The following NR4A3 variants were observed in gnomAD, a reference collection of about 807,000 sequenced individuals.
The protein encoded by NR4A3 is chondrosarcoma, extraskeletal myxoid, fused to EWS.
In NR4A3, 13 loss-of-function variants were observed where a neutral mutation model predicts 55.6. The ratio of observed to expected loss-of-function variants is 0.23; its 90% CI spans 0.15 to 0.37. NR4A3 has a LOEUF of 0.37. Ranked by LOEUF, NR4A3 falls within the 10% of genes least tolerant of loss-of-function variation. The pLI, the probability that NR4A3 is intolerant of heterozygous loss-of-function variation, is 1.00. For missense variants in NR4A3, 646 were observed against 822.8 expected (o/e 0.79, Z 2.63); for synonymous variants, 342 against 357.9 (o/e 0.96, Z 0.50).
chr9:99,839,810 C>T (rs1386045380), intron 5 of NR4A3, among the ~76,000 whole-genome samples: 3 of 152,160 alleles, frequency 2.0e-5, no homozygotes, highest in Non-Finnish European at 2.9e-5. Flanking sequence ...GACCTATGTT[C>T]GATTGGCATG....
In NR4A3 at chr9:99,864,655, C is replaced by T. The variant is rs1828063269; in HGVS notation, c.*788C>T. ...GCCCATCCAAGACTTTTAGGCCATT[C>T]TTGATGGAACCAGATCCCTGCCCTG... is the stretch of plus-strand genomic sequence containing the variant. On this transcript the variant is annotated 3_prime_UTR_variant, in exon 8 of 8. Transcript: ENST00000395097. 4.4e-6 allele frequency: 1 copy of T among 228,254 alleles called. No homozygotes were observed. 14.1% of individuals were successfully genotyped at this position (228,254 alleles called of 1,614,324 possible).
At chr9:99,858,650 C>T (rs1477587448) in intron 7 of NR4A3, among the ~76,000 whole-genome samples, 6 of 152,120 alleles carry the variant, frequency 3.9e-5, no homozygotes, top group Non-Finnish European at 7.4e-5. Flanking sequence ...TTAGAGATGT[C>T]CAGAGATGGA....
At chr9:99,838,118 T>C (rs1037390012) in intron 5 of NR4A3, among the ~76,000 whole-genome samples, 1 of 152,236 alleles carries the variant, frequency 6.6e-6, no homozygotes, top group African/African-American at 2.4e-5. Context: ...AATGTTTCTG[T>C]TCTCTGCACC....
In NR4A3 at chr9:99,849,403, A is replaced by T. The variant is rs371029798; in HGVS notation, c.1633+1788A>T. Among the ~76,000 whole-genome samples the T allele has an allele frequency of 5.3e-4, 80 of 152,212 alleles. No homozygotes were observed. The South Asian group carries it at 0.015, about 28-fold the overall frequency. ...TGCTAGACTTCCAAGAGAGCCATTAACGAAACAAAAACCAAGGCAGTCTCA... is the reference window on the plus strand; with the variant it reads ...TGCTAGACTTCCAAGAGAGCCATTATCGAAACAAAAACCAAGGCAGTCTCA... On this transcript the variant is annotated intron_variant, in intron 7 of 7. Transcript: ENST00000395097.
At chr9:99,847,302 C>T in intron 6 of NR4A3, 135 bp from the exon 7 acceptor site, 2 of 739,076 alleles carry the variant, frequency 2.7e-6, no homozygotes, top group Admixed American at 4.7e-5. Context: ...TTGTGGGTAT[C>T]TGGCATGCTT....
Position 99,862,582 on chromosome 9 carries a change from AAG to A in NR4A3, c.1634-1030_1634-1029del, listed in dbSNP as rs1564041245. Among the ~76,000 whole-genome samples, 130 of 116,178 alleles carry A rather than the reference AAG, an allele frequency of 1.1e-3. 7 individuals are homozygous for A. The highest frequency in any genetic ancestry group is 4.8e-3 in the African/African-American group (116 of 23,990). The allele number at this position is 116,178 out of a possible 152,430, so 76.2% of individuals were successfully genotyped here. On this transcript the variant is annotated intron_variant, in intron 7 of 7. Transcript: ENST00000395097. ...AAAAAAAAAAAAAAAAAAAAAAAAA[AAG>A]AGAGAGAAATGAGGCTCTGAAGTCT...
rs1394158755 is a variant in NR4A3 at position 99,865,395 on chromosome 9, GC to G, written c.*1530del. ...TTGTACAATAAATGTCACTTCCCAT[GC>G]CGTTATTTTATGGTTCATTTGCAGT... On this transcript the variant is annotated 3_prime_UTR_variant, in exon 8 of 8. Transcript: ENST00000395097. The surrounding 1 kb of genome is among the most constrained non-coding windows in gnomAD (Gnocchi z 4.3). 5.6e-6 allele frequency: 1 copy of G among 179,408 alleles called. No homozygotes were observed. Among genetic ancestry groups the G allele is most frequent in the Non-Finnish European group, 1.2e-5 (1 of 83,744 alleles). The allele number at this position is 179,408 out of a possible 1,614,324, so 11.1% of individuals were successfully genotyped here.
At chr9:99,834,796 A>G (rs1157733565) in intron 5 of NR4A3, 1 of 985,310 alleles carries the variant, frequency 1.0e-6, no homozygotes, top group Non-Finnish European at 1.2e-6. Flanking sequence ...TGCACCTGAT[A>G]ACAAAACGTC....
At chr9:99,833,217 TGCGA>T in intron 4 of NR4A3, 61 bp from the exon 5 acceptor site, 1 of 1,522,926 alleles carries the variant, frequency 6.6e-7, no homozygotes, top group Non-Finnish European at 8.8e-7. Context: ...TATTCCTTTT[TGCGA>T]TTTATGGTCG....
chr9:99,828,617 A>C lies in NR4A3; in HGVS notation c.575A>C (p.His192Pro). ...TVAGARFPLFHFKPSPPHPPA... is the reference protein window; with the variant it reads ...TVAGARFPLFPFKPSPPHPPA... ...GCCGGCGCGCGCTTCCCGCTCTTCC[A>C]CTTCAAGCCCTCGCCGCCGCATCCC... Residue 192 changes from histidine (H) to proline (P), a missense_variant, in exon 3 of 8, where the codon CAC (histidine) becomes CCC (proline). By Grantham distance (77) the His-to-Pro change is moderately conservative. Around this residue, in one of 5 missense-constraint regions of NR4A3, gnomAD observed 426 missense variants for 429.4 expected, o/e 0.99. Transcript: ENST00000395097. The surrounding 1 kb of genome is among the most constrained non-coding windows in gnomAD (Gnocchi z 7.7). 1 of 1,502,064 alleles carries C rather than the reference A, an allele frequency of 6.7e-7. No individual in the cohort carries two copies. The highest frequency in any genetic ancestry group is 8.8e-7 in the Non-Finnish European group (1 of 1,136,336). 93.0% of individuals were successfully genotyped at this position (1,502,064 alleles called of 1,614,324 possible).
chr9:99,865,107 GT>G lies in NR4A3; in HGVS notation c.*1242del, dbSNP rs1828073564. 2 of 196,230 alleles carry G rather than the reference GT, an allele frequency of 1.0e-5. No homozygotes were observed. The highest frequency in any genetic ancestry group is 1.1e-5 in the Non-Finnish European group (1 of 94,242). The allele number at this position is 196,230 out of a possible 1,614,324, so 12.2% of individuals were successfully genotyped here. ...GTACTCCCTTTTGTATGTTTCTACT[GT>G]TAATGCCATATTACTATGAGATAAT... On this transcript the variant is annotated 3_prime_UTR_variant, in exon 8 of 8. Transcript: ENST00000395097. This position sits in a 1 kb window ranked among gnomAD's most constrained non-coding sequence, Gnocchi z 4.3.
chr9:99,857,755 C>CAAATAAATAAATAAATAAAT (rs71370972), intron 7 of NR4A3, among the ~76,000 whole-genome samples: 1 of 141,306 alleles, frequency 7.1e-6, no homozygotes, highest in East Asian at 2.1e-4. Context: ...CTCTGTCTCA[C>CAAATAAATAAATAAATAAAT]AAATAAATAA....
rs778449193 is a variant in NR4A3 at position 99,833,439 on chromosome 9, T to C, written c.1239T>C (p.Asp413=). The change falls in exon 5 of 8, where the codon GAT becomes GAC. Residue 413 remains aspartate (D), a synonymous_variant. Transcript: ENST00000395097. ...CTTTAACAGACTCAACACCCAGAGATCTTGATTATTCCAGAGTAAGTTTTA... is the reference window on the plus strand; with the variant it reads ...CTTTAACAGACTCAACACCCAGAGACCTTGATTATTCCAGAGTAAGTTTTA... The part of the protein sequence containing the change: ...VRALTDSTPR[D]LDYSRYCPTD... The C allele has an allele frequency of 2.3e-5, 37 of 1,613,970 alleles. No homozygotes were observed. The highest frequency in any genetic ancestry group is 6.7e-5 in the Admixed American group (4 of 60,002).
chr9:99,862,182 AT>A (rs1473618190), intron 7 of NR4A3, among the ~76,000 whole-genome samples: 1 of 152,096 alleles, frequency 6.6e-6, no homozygotes, highest in Non-Finnish European at 1.5e-5. Flanking sequence ...AAGAATTATG[AT>A]TTTACATGTA....
At chr9:99,840,725 C>G (rs1476909066) in intron 5 of NR4A3, among the ~76,000 whole-genome samples, 1 of 152,114 alleles carries the variant, frequency 6.6e-6, no homozygotes, top group Non-Finnish European at 1.5e-5. Flanking sequence ...GGATGAGGAC[C>G]CCATGACCTG....
Position 99,866,555 on chromosome 9 carries a change from A to C in NR4A3, c.*2688A>C. On this transcript the variant is annotated 3_prime_UTR_variant, in exon 8 of 8. Transcript: ENST00000395097. Reference sequence around the variant, plus strand: ...CCTCCCAAGTCATCTTATCAACTCAACTCCCTTTTTTTTGTCTTAATGTTG... The same window carrying C: ...CCTCCCAAGTCATCTTATCAACTCACCTCCCTTTTTTTTGTCTTAATGTTG... 4.4e-6 allele frequency: 1 copy of C among 228,224 alleles called. No homozygotes were observed. Among genetic ancestry groups the C allele is most frequent in the East Asian group, 6.3e-5 (1 of 15,928 alleles). 14.1% of individuals were successfully genotyped at this position (228,224 alleles called of 1,614,324 possible). A position where few individuals can be genotyped will look rare whatever the true frequency, so the allele number is the denominator to read the frequency against.
chr9:99,849,079 C>G (rs1465276286), intron 7 of NR4A3, among the ~76,000 whole-genome samples: 1 of 152,212 alleles, frequency 6.6e-6, no homozygotes, highest in Non-Finnish European at 1.5e-5. Context: ...TCAAATGCAA[C>G]CTCTGGTACA....
chr9:99,837,998 T>C (rs1447092996), intron 5 of NR4A3, among the ~76,000 whole-genome samples: 2 of 152,230 alleles, frequency 1.3e-5, no homozygotes, highest in East Asian at 3.8e-4. Flanking sequence ...TTCCTGGCTC[T>C]GGGACCTTCA....
At chr9:99,843,445 A>G (rs955146941) in intron 5 of NR4A3, among the ~76,000 whole-genome samples, 1 of 152,150 alleles carries the variant, frequency 6.6e-6, no homozygotes, top group Admixed American at 6.5e-5. Flanking sequence ...CAGCCAGCAA[A>G]AATCATTCTT....
Sources: allele counts gnomAD v4.1 joint callset (sites outside exome capture counted in the v4.1 genomes callset), GRCh38; gene constraint gnomAD v4.1.1; regional missense constraint gnomAD v4.1.1; non-coding constraint Gnocchi (gnomAD v3.1); transcripts MANE v1.5; gene names NCBI Gene and HGNC (gene_info 2026-07-23, HGNC 2026-07-21).